Variants in PRRX1 observed in about 807,000 individuals in gnomAD.
PRRX1 encodes the protein paired mesoderm homeobox protein 1.
A neutral mutation model predicts 24.0 loss-of-function variants in PRRX1; 8 were observed. The ratio of observed to expected loss-of-function variants is 0.33; its 90% CI spans 0.20 to 0.60. The LOEUF is 0.60. PRRX1 is among the 20% of genes least tolerant of loss of function. The pLI, the probability that PRRX1 is intolerant of heterozygous loss-of-function variation, is 0.82. For missense variants in PRRX1, 281 were observed against 322.4 expected (o/e 0.87, Z 0.98); for synonymous variants, 160 against 131.7 (o/e 1.22, Z -1.47).
intron 1 of PRRX1, chr1:170,668,361 A>G (rs2101882661): frequency 6.6e-6 from 1 of 152,324 alleles, no homozygotes; most frequent in Admixed American, 6.5e-5. Context: ...CCAACCTCTA[A>G]ATTAGCGAAA....
At chr1:170,663,202 TTG>T (rs1652786274), upstream of PRRX1, 2 of 152,026 alleles carry the variant, frequency 1.3e-5, no homozygotes, top group Non-Finnish European at 2.9e-5. Flanking sequence ...AAGAAGGAGA[TTG>T]TGATGGAGAA....
At chr1:170,683,387 AG>A (rs1653621098) in intron 1 of PRRX1, among the ~76,000 whole-genome samples, 1 of 152,184 alleles carries the variant, frequency 6.6e-6, no homozygotes, top group African/African-American at 2.4e-5. Context: ...AAAGAGGAAA[AG>A]AGAGGACAAT....
intron 3 of PRRX1, chr1:170,726,902 A>C (rs1261804504): frequency 6.4e-6 from 1 of 155,394 alleles, no homozygotes; most frequent in African/African-American, 2.4e-5. Flanking sequence ...GAAGGAAGGA[A>C]GGAGAGAGAC....
At chr1:170,671,447 C>T (rs192081968) in intron 1 of PRRX1, among the ~76,000 whole-genome samples, 1 of 152,224 alleles carries the variant, frequency 6.6e-6, no homozygotes, top group South Asian at 2.1e-4. Flanking sequence ...TCTGCTGTAG[C>T]GACGCCAGGC....
At chr1:170,682,149 G>T (rs951002158) in intron 1 of PRRX1, among the ~76,000 whole-genome samples, 1 of 152,148 alleles carries the variant, frequency 6.6e-6, no homozygotes, top group African/African-American at 2.4e-5. Context: ...GAATGAGGAA[G>T]AAAGGGATGG....
intron 1 of PRRX1, among the ~76,000 whole-genome samples, chr1:170,702,281 T>C (rs1654411580): frequency 6.6e-6 from 1 of 152,074 alleles, no homozygotes; most frequent in South Asian, 2.1e-4. Context: ...GCTCTGGGGG[T>C]TGGAGACTAG....
chr1:170,664,200 G>T lies in PRRX1; in HGVS notation c.-19G>T. On this transcript the variant is annotated 5_prime_UTR_variant, in exon 1 of 4. Coordinates refer to ENST00000239461, the MANE Select transcript of PRRX1 (RefSeq NM_022716.4). ...TTCGAGCGGGAAGAGGGGGGTGGGTGGGATCGGTGGGGGAGACCATGACCT... is the reference window on the plus strand; with the variant it reads ...TTCGAGCGGGAAGAGGGGGGTGGGTTGGATCGGTGGGGGAGACCATGACCT... 6.2e-7 allele frequency: 1 copy of T among 1,603,428 alleles called. No homozygotes were observed. The highest frequency in any genetic ancestry group is 1.1e-5 in the South Asian group (1 of 88,782).
intron 1 of PRRX1, among the ~76,000 whole-genome samples, chr1:170,677,795 C>T (rs545655566): frequency 4.6e-5 from 7 of 152,288 alleles, no homozygotes; most frequent in African/African-American, 1.7e-4. Flanking sequence ...TAACACAGAT[C>T]ATTTTATATT....
intron 1 of PRRX1, among the ~76,000 whole-genome samples, chr1:170,687,261 T>A (rs1488059193): frequency 6.6e-6 from 1 of 152,160 alleles, no homozygotes; most frequent in African/African-American, 2.4e-5. Flanking sequence ...GCATTGCACA[T>A]TTACAGTCTG....
intron 1 of PRRX1, among the ~76,000 whole-genome samples, chr1:170,682,664 A>G (rs968198465): frequency 6.6e-6 from 1 of 152,084 alleles, no homozygotes; most frequent in African/African-American, 2.4e-5. Context: ...ACTATGTGCC[A>G]GTCATTATGC....
intron 2 of PRRX1, among the ~76,000 whole-genome samples, chr1:170,723,846 C>A (rs1490027604): frequency 2.6e-5 from 4 of 152,108 alleles, no homozygotes; most frequent in African/African-American, 9.7e-5. Flanking sequence ...ATAGTGTAGG[C>A]GATTGTAATA....
chr1:170,731,142 T>C (rs1323784722), intron 3 of PRRX1, among the ~76,000 whole-genome samples: 1 of 152,204 alleles, frequency 6.6e-6, no homozygotes, highest in Non-Finnish European at 1.5e-5. Context: ...TTCCAAAGAA[T>C]TTACCAGATC....
rs1655608676 is a variant in PRRX1, at chr1:170,736,504, T to C, written c.*318T>C. 8.0e-6 allele frequency: 3 copies of C among 373,574 alleles called. No homozygotes were observed. The highest frequency in any genetic ancestry group is 1.5e-5 in the Non-Finnish European group (3 of 198,824). The allele number at this position is 373,574 out of a possible 1,614,324, so 23.1% of individuals were successfully genotyped here. On this transcript the variant is annotated 3_prime_UTR_variant, in exon 4 of 4. Transcript: ENST00000239461. ...AGGTTCAGCCCACCCACCCCCATGA[T>C]TGTATGAAGTTTTAAAAAAAACTAC...
intron 1 of PRRX1, among the ~76,000 whole-genome samples, chr1:170,693,989 T>C (rs1654076503): frequency 1.3e-5 from 2 of 152,188 alleles, no homozygotes; most frequent in South Asian, 4.2e-4. Context: ...AGAGATTCCA[T>C]GAAGCAAAGA....
intron 1 of PRRX1, among the ~76,000 whole-genome samples, chr1:170,705,935 T>TACACACAAACACACACAC (rs1553253691): frequency 6.1e-5 from 9 of 146,538 alleles, no homozygotes; most frequent in African/African-American, 2.2e-4. Context: ...CACACACACA[T>TACACACAAACACACACAC]ACACACACAC....
At chr1:170,668,323 A>G (rs1653022918) in intron 1 of PRRX1, 1 of 152,036 alleles carries the variant, frequency 6.6e-6, no homozygotes, top group African/African-American at 2.4e-5. Flanking sequence ...AAACTCTTTG[A>G]AAAAAAATGC....
At chr1:170,686,842 G>A (rs1217723070) in intron 1 of PRRX1, among the ~76,000 whole-genome samples, 1 of 152,158 alleles carries the variant, frequency 6.6e-6, no homozygotes, top group Non-Finnish European at 1.5e-5. Flanking sequence ...AAACAAAAAT[G>A]AGGAAACTAT....
intron 1 of PRRX1, among the ~76,000 whole-genome samples, chr1:170,690,418 C>G (rs1428405106): frequency 1.3e-5 from 2 of 152,060 alleles, no homozygotes; most frequent in Admixed American, 1.3e-4. Flanking sequence ...AGTAGATATT[C>G]ATCACTTAGA....
chr1:170,665,254 G>A (rs963185965), intron 1 of PRRX1, among the ~76,000 whole-genome samples: 8 of 152,212 alleles, frequency 5.3e-5, no homozygotes, highest in Non-Finnish European at 1.2e-4. Flanking sequence ...CCTTAGAGGA[G>A]CTCTCCCTAT....
Sources: allele counts gnomAD v4.1 joint callset (sites outside exome capture counted in the v4.1 genomes callset), GRCh38; gene constraint gnomAD v4.1.1; transcripts MANE v1.5; gene names NCBI Gene and HGNC (gene_info 2026-07-23, HGNC 2026-07-21).